Variants in ZMYND11 observed in about 807,000 individuals in gnomAD.
ZMYND11 encodes zinc finger MYND-type containing 11, also known as zinc finger MYND domain-containing protein 11.
In ZMYND11, 9 loss-of-function variants were observed where a neutral mutation model predicts 84.9. The observed-to-expected ratio is 0.11, with a 90% CI of 0.06 to 0.18. The LOEUF (loss-of-function observed/expected upper bound fraction) is 0.18, where lower values mean the gene tolerates loss of function less well. Ranked by LOEUF, ZMYND11 falls within the 10% of genes least tolerant of loss-of-function variation. The pLI, the probability that ZMYND11 is intolerant of heterozygous loss-of-function variation, is 1.00. For synonymous variants in ZMYND11, 250 were observed against 244.1 expected, an observed-to-expected ratio of 1.02 and a Z score of -0.23; for missense variants, 409 against 761.0, an observed-to-expected ratio of 0.54 and a Z score of 5.44.
At chr10:133,122 A>T (rs1162759752), upstream of ZMYND11, among the ~76,000 whole-genome samples, 1 of 152,196 alleles carries the variant, frequency 6.6e-6, no homozygotes, top group Non-Finnish European at 1.5e-5. Flanking sequence ...GCATTTCAAG[A>T]GAGTTGACAT....
chr10:222,318 G>C (rs1947265618), intron 4 of ZMYND11, among the ~76,000 whole-genome samples: 1 of 152,066 alleles, frequency 6.6e-6, no homozygotes, highest in South Asian at 2.1e-4. Context: ...AACTGGCTTT[G>C]TATTGCCTAA....
intron 14 of ZMYND11, among the ~76,000 whole-genome samples, chr10:251,217 G>C (rs1053048720): frequency 6.6e-6 from 1 of 152,198 alleles, no homozygotes; most frequent in Non-Finnish European, 1.5e-5. Context: ...GTATTTGGGA[G>C]AAGGGATGGT....
At position 191,119 on chromosome 10, in the gene ZMYND11, CATT is replaced by C. The variant is rs1198128392; in HGVS notation, c.116+10995_116+10997del. ...ATAATAATTGATAACATTAAATAGTCATTATTTTGTGAAAAGCACTGTGCTTTA... is the reference window on the plus strand; with the variant it reads ...ATAATAATTGATAACATTAAATAGTCATTTTGTGAAAAGCACTGTGCTTTA... On this transcript the variant is annotated intron_variant, in intron 2 of 14. Coordinates refer to ENST00000381604, the MANE Select transcript of ZMYND11 (RefSeq NM_001370100.5). Among the ~76,000 whole-genome samples, 3 of 152,054 alleles carry C rather than the reference CATT, an allele frequency of 2.0e-5. No individual in the cohort carries two copies. The East Asian group carries it at 5.8e-4, about 29-fold the overall frequency.
At chr10:172,860 A>C (rs1159928775) in intron 1 of ZMYND11, among the ~76,000 whole-genome samples, 3 of 152,200 alleles carry the variant, frequency 2.0e-5, no homozygotes, top group Non-Finnish European at 4.4e-5. Flanking sequence ...TTTAGTGACC[A>C]AGACAATGTG....
rs139213089 is a variant in ZMYND11, at chr10:236,196, A to G, written c.439-642A>G. On this transcript the variant is annotated intron_variant, in intron 4 of 14. Coordinates refer to ENST00000381604, the MANE Select transcript of ZMYND11 (RefSeq NM_001370100.5). ...GGACTTTGACTAAGGAAATAGGCAC[A>G]CTTGTCCTTGTTTCCTAGCTGTTTA... Among the ~76,000 whole-genome samples, 1,515 of 152,330 alleles carry G rather than the reference A, an allele frequency of 9.9e-3. 11 individuals are homozygous for G. The highest frequency in any genetic ancestry group is 0.014 in the South Asian group (69 of 4,824).
intron 1 of ZMYND11, among the ~76,000 whole-genome samples, chr10:178,208 T>C (rs1470762665): frequency 1.3e-5 from 2 of 152,220 alleles, no homozygotes; most frequent in African/African-American, 2.4e-5. Context: ...TCCATGTATA[T>C]GTCAAATTTC....
At chr10:246,420 T>C (rs1395158823) in intron 10 of ZMYND11, among the ~76,000 whole-genome samples, 2 of 152,182 alleles carry the variant, frequency 1.3e-5, no homozygotes, top group Non-Finnish European at 2.9e-5. Context: ...TTATGAAGAA[T>C]ACAGATATGA....
intron 2 of ZMYND11, among the ~76,000 whole-genome samples, chr10:192,224 C>T (rs1327036057): frequency 1.3e-5 from 2 of 151,996 alleles, no homozygotes; most frequent in Non-Finnish European, 2.9e-5. Flanking sequence ...AAGAATGAGG[C>T]GAGAGCTTAG....
chr10:215,902 C>T (rs566740851), intron 3 of ZMYND11, among the ~76,000 whole-genome samples: 1 of 152,188 alleles, frequency 6.6e-6, no homozygotes, highest in African/African-American at 2.4e-5. Context: ...TGCTTTTTCT[C>T]ATTTAAGGCT....
At chr10:157,037 T>C (rs1334002707) in intron 1 of ZMYND11, among the ~76,000 whole-genome samples, 1 of 152,176 alleles carries the variant, frequency 6.6e-6, no homozygotes, top group African/African-American at 2.4e-5. Flanking sequence ...TAAGCAGTTA[T>C]TTTTATGGAT....
At chr10:206,057 TAATC>T (rs1317343743) in intron 2 of ZMYND11, among the ~76,000 whole-genome samples, 3 of 149,024 alleles carry the variant, frequency 2.0e-5, no homozygotes, top group Non-Finnish European at 3.0e-5. Flanking sequence ...ACTAGATAAA[TAATC>T]AACAAATAAA....
intron 1 of ZMYND11, among the ~76,000 whole-genome samples, chr10:155,981 A>G (rs1554758776): frequency 6.6e-6 from 1 of 152,240 alleles, no homozygotes; most frequent in African/African-American, 2.4e-5. Flanking sequence ...ATAGAAAACA[A>G]CAAATTTCAA....
chr10:248,618 G>A lies in ZMYND11; in HGVS notation c.1500+10G>A, dbSNP rs1564466612. 1 of 1,588,688 alleles carries A rather than the reference G, an allele frequency of 6.3e-7. No individual in the cohort carries two copies. The highest frequency in any genetic ancestry group is 8.6e-7 in the Non-Finnish European group (1 of 1,168,606). ...AGAAGCTCTGGAGAAGGTAATGCTT[G>A]TCGCCACTGTGGGTGCCCTGCTGCA... On this transcript the variant is annotated intron_variant, in intron 13 of 14. Transcript: ENST00000381604.
intron 1 of ZMYND11, among the ~76,000 whole-genome samples, chr10:173,048 AG>A (rs1422043275): frequency 6.6e-6 from 1 of 151,282 alleles, no homozygotes; most frequent in African/African-American, 2.5e-5. Flanking sequence ...AAAAAAAAAA[AG>A]AAGAATCATC....
intron 1 of ZMYND11, among the ~76,000 whole-genome samples, chr10:160,134 C>CT (rs1842638319): frequency 6.6e-6 from 1 of 152,138 alleles, no homozygotes; most frequent in Non-Finnish European, 1.5e-5. Context: ...TGTATACAGG[C>CT]GTACCCTGGA....
chr10:178,649 T>G (rs1444263495), intron 1 of ZMYND11, among the ~76,000 whole-genome samples: 1 of 152,226 alleles, frequency 6.6e-6, no homozygotes, highest in African/African-American at 2.4e-5. Flanking sequence ...AAAGTTTTCT[T>G]TAGAACTTGA....
intron 2 of ZMYND11, among the ~76,000 whole-genome samples, chr10:190,226 C>G (rs1164036403): frequency 6.6e-6 from 1 of 152,162 alleles, no homozygotes; most frequent in Non-Finnish European, 1.5e-5. Context: ...GTTTTTCCAG[C>G]CCCTAGCTTT....
Position 252,113 on chromosome 10 carries a change from C to A in ZMYND11, c.1687-235C>A, listed in dbSNP as rs776749409. Among the ~76,000 whole-genome samples, 1 of 152,136 alleles carries A rather than the reference C, an allele frequency of 6.6e-6. No homozygotes were observed. Among genetic ancestry groups the A allele is most frequent in the Non-Finnish European group, 1.5e-5 (1 of 68,026 alleles). On this transcript the variant is annotated intron_variant, in intron 14 of 14. Transcript: ENST00000381604. This position sits in a 1 kb window ranked among gnomAD's most constrained non-coding sequence, Gnocchi z 4.6. Reference sequence around the variant, plus strand: ...ATGACTCTCACAGAGATGGAAAAAACGGGAGGTGTCAGGTACCACCTGACA... The same window carrying A: ...ATGACTCTCACAGAGATGGAAAAAAAGGGAGGTGTCAGGTACCACCTGACA...
At chr10:238,588 C>A (rs1010578588) in intron 6 of ZMYND11, among the ~76,000 whole-genome samples, 2 of 152,128 alleles carry the variant, frequency 1.3e-5, no homozygotes, top group Non-Finnish European at 2.9e-5. Flanking sequence ...GATCTCCTGA[C>A]CTCGTGATCT....
Sources: allele counts gnomAD v4.1 joint callset (sites outside exome capture counted in the v4.1 genomes callset), GRCh38; gene constraint gnomAD v4.1.1; non-coding constraint Gnocchi (gnomAD v3.1); transcripts MANE v1.5; gene names NCBI Gene and HGNC (gene_info 2026-07-23, HGNC 2026-07-21).